Variants in WDPCP observed in about 807,000 individuals in gnomAD.
The protein encoded by WDPCP is WD repeat containing planar cell polarity effector.
Under a neutral mutation model 93.1 loss-of-function variants are expected in WDPCP, and 71 were observed. The ratio of observed to expected loss-of-function variants is 0.76; its 90% CI spans 0.63 to 0.93. The LOEUF (loss-of-function observed/expected upper bound fraction) is 0.93. WDPCP is among the 40% of genes least tolerant of loss of function. WDPCP has a pLI of 0.00. For missense variants in WDPCP, 844 were observed against 887.4 expected (o/e 0.95, Z 0.62); for synonymous variants, 315 against 315.0 (o/e 1.00, Z 0.00).
intron 2 of WDPCP, among the ~76,000 whole-genome samples, chr2:63,722,486 C>A (rs1269596454): frequency 7.0e-6 from 1 of 143,736 alleles, no homozygotes; most frequent in African/African-American, 2.6e-5. Flanking sequence ...GGAGCCCCTC[C>A]GCCCGGCAGC....
chr2:63,646,002 T>C (rs1459661812), intron 3 of WDPCP, among the ~76,000 whole-genome samples: 1 of 152,156 alleles, frequency 6.6e-6, no homozygotes, highest in African/African-American at 2.4e-5. Context: ...TTTACATTCA[T>C]TGTTATTACT....
chr2:63,221,282 A>G (rs1214667665), intron 14 of WDPCP, among the ~76,000 whole-genome samples: 1 of 152,238 alleles, frequency 6.6e-6, no homozygotes, highest in Non-Finnish European at 1.5e-5. Flanking sequence ...TGAATAGAAG[A>G]ATATGAATTC....
At chr2:63,658,821 A>G (rs1710195380) in intron 2 of WDPCP, among the ~76,000 whole-genome samples, 1 of 152,214 alleles carries the variant, frequency 6.6e-6, no homozygotes, top group South Asian at 2.1e-4. Context: ...TGATCATCTC[A>G]GCTGGCCGAC....
chr2:63,808,688 G>A (rs1670809826), intron 2 of WDPCP, among the ~76,000 whole-genome samples: 1 of 152,152 alleles, frequency 6.6e-6, no homozygotes, highest in African/African-American at 2.4e-5. Flanking sequence ...ATCTCGGCTC[G>A]CTACAACCTC....
At chr2:63,755,673 T>C (rs1019017325) in intron 2 of WDPCP, among the ~76,000 whole-genome samples, 4 of 152,384 alleles carry the variant, frequency 2.6e-5, no homozygotes, top group African/African-American at 7.2e-5. Context: ...TAAATTCTGA[T>C]AGATTGTTTT....
intron 13 of WDPCP, among the ~76,000 whole-genome samples, chr2:63,263,498 A>G (rs910834874): frequency 6.6e-6 from 1 of 152,106 alleles, no homozygotes; most frequent in Non-Finnish European, 1.5e-5. Flanking sequence ...TCTACCCTTC[A>G]CCATGGGATC....
In WDPCP at chr2:63,327,410, C is replaced by T. The variant is rs558673441; in HGVS notation, c.1749-14099G>A. Reference sequence around the variant, plus strand: ...AGTTTGCTAAAACTTAACAGTGTAACATGCATTATCCTATTACCACACACT... The same window carrying T: ...AGTTTGCTAAAACTTAACAGTGTAATATGCATTATCCTATTACCACACACT... On this transcript the variant is annotated intron_variant, in intron 12 of 17. Coordinates refer to ENST00000272321, the MANE Select transcript of WDPCP (RefSeq NM_015910.7). Among the ~76,000 whole-genome samples, 3 of 152,258 alleles carry T rather than the reference C, an allele frequency of 2.0e-5. No individual in the cohort carries two copies. In the South Asian group the frequency reaches 6.2e-4, roughly 32 times the overall value.
At chr2:63,601,203 T>C (rs905183163) in intron 3 of WDPCP, among the ~76,000 whole-genome samples, 4 of 152,226 alleles carry the variant, frequency 2.6e-5, no homozygotes, top group Non-Finnish European at 4.4e-5. Context: ...TAGGGAGTCA[T>C]TGAAGAAGCA....
At position 63,809,471 on chromosome 2, in the gene WDPCP, G is replaced by C. The variant is rs553047022; in HGVS notation, n.308+4151C>G. Among the ~76,000 whole-genome samples the C allele has an allele frequency of 3.0e-3, 459 of 152,356 alleles. 2 individuals are homozygous for C. Among genetic ancestry groups the C allele is most frequent in the African/African-American group, 8.8e-3 (366 of 41,586 alleles). ...AATGGCGGTTTTGTGGAATACAAAG[G>C]GGGGAAAGGTGGGGAAAAGATTGAG... is the stretch of plus-strand genomic sequence containing the variant. On this transcript the variant is annotated intron_variant and non_coding_transcript_variant, in intron 2 of 4. Transcript: ENST00000467687.
chr2:63,177,525 T>C (rs756608075), intron 14 of WDPCP, among the ~76,000 whole-genome samples: 1 of 152,188 alleles, frequency 6.6e-6, no homozygotes, highest in Non-Finnish European at 1.5e-5. Context: ...TTGCTGTCCT[T>C]TGCAGATTGC....
intron 2 of WDPCP, among the ~76,000 whole-genome samples, chr2:63,748,231 C>A (rs974822887): frequency 6.6e-6 from 1 of 151,368 alleles, no homozygotes; most frequent in African/African-American, 2.4e-5. Context: ...AATCCTTATT[C>A]TTTTGTTATG....
intron 1 of WDPCP, among the ~76,000 whole-genome samples, chr2:63,534,440 A>C (rs553421963): frequency 1.4e-4 from 21 of 152,336 alleles, no homozygotes; most frequent in Admixed American, 1.4e-3. Flanking sequence ...TCCCTGATGA[A>C]CATCAATGCA....
In WDPCP at chr2:63,142,820, GT is replaced by G. The variant is rs1559150073; in HGVS notation, c.2190+10093del. On this transcript the variant is annotated intron_variant, in intron 17 of 17. Transcript: ENST00000272321. The stretch of plus-strand genomic sequence containing the variant: ...ATTTGGGAGCTGCAGTGTTAGGGGT[GT>G]GTGTGTGTGTGTGTGTGTGTGTGTG... Among the ~76,000 whole-genome samples, 29 of 26,288 alleles carry G rather than the reference GT, an allele frequency of 1.1e-3. 1 individual carries two copies. The highest frequency in any genetic ancestry group is 4.3e-3 in the East Asian group (2 of 462). The allele number at this position is 26,288 out of a possible 152,430, so 17.2% of individuals were successfully genotyped here.
intron 2 of WDPCP, among the ~76,000 whole-genome samples, chr2:63,775,285 A>G (rs1670285339): frequency 6.6e-6 from 1 of 152,176 alleles, no homozygotes; most frequent in South Asian, 2.1e-4. Context: ...CCTATTCTTC[A>G]TTGTATTGGC....
At chr2:63,645,159 AG>A (rs1710033201) in intron 3 of WDPCP, among the ~76,000 whole-genome samples, 1 of 152,004 alleles carries the variant, frequency 6.6e-6, no homozygotes, top group African/African-American at 2.4e-5. Context: ...TTTCCCTCTT[AG>A]TAATGCTTTT....
intron 1 of WDPCP, among the ~76,000 whole-genome samples, chr2:63,556,046 T>A (rs1369782809): frequency 6.6e-6 from 1 of 152,058 alleles, no homozygotes; most frequent in African/African-American, 2.4e-5. Flanking sequence ...ATAACAAACT[T>A]CTCTAAGCTA....
chr2:63,511,162 T>C (rs949421814), intron 1 of WDPCP, among the ~76,000 whole-genome samples: 1 of 152,026 alleles, frequency 6.6e-6, no homozygotes, highest in Non-Finnish European at 1.5e-5. Flanking sequence ...ACAAAGAGAA[T>C]AAAATACCTG....
chr2:63,138,558 T>G (rs980603253), intron 17 of WDPCP, among the ~76,000 whole-genome samples: 14 of 151,590 alleles, frequency 9.2e-5, no homozygotes, highest in Non-Finnish European at 1.5e-4. Context: ...GTTCATGCCA[T>G]TCTCCTGCCT....
intron 1 of WDPCP, among the ~76,000 whole-genome samples, chr2:63,819,002 T>A (rs1351202476): frequency 6.6e-6 from 1 of 152,194 alleles, no homozygotes; most frequent in African/African-American, 2.4e-5. Context: ...AATAGATGTA[T>A]ACACACATAT....
Sources: gnomAD v4.1 joint callset for allele counts (sites outside exome capture counted in the v4.1 genomes callset) on GRCh38, gnomAD v4.1.1 for gene constraint, MANE v1.5 for transcripts, NCBI Gene and HGNC (gene_info 2026-07-23, HGNC 2026-07-21) for gene names.